Variants in PICALM observed in about 807,000 individuals in gnomAD.
PICALM encodes phosphatidylinositol binding clathrin assembly protein.
Under a neutral mutation model 80.5 loss-of-function variants are expected in PICALM, and 40 were observed. That is an observed-to-expected ratio of 0.50 (90% CI 0.39 to 0.65). The LOEUF (loss-of-function observed/expected upper bound fraction) is 0.65. PICALM is among the 30% of genes least tolerant of loss of function. The pLI, the probability that PICALM is intolerant of heterozygous loss-of-function variation, is 0.00. For missense variants in PICALM, 676 were observed against 778.9 expected (o/e 0.87, Z 1.57); for synonymous variants, 288 against 260.3 (o/e 1.11, Z -1.02).
intron 19 of PICALM, among the ~76,000 whole-genome samples, chr11:85,966,845 C>T (rs911843185): frequency 4.6e-5 from 7 of 152,116 alleles, no homozygotes; most frequent in Admixed American, 3.3e-4. Flanking sequence ...AACTATGGAA[C>T]GAATGGGGCT....
intron 1 of PICALM, among the ~76,000 whole-genome samples, chr11:86,032,728 T>A (rs187192806): frequency 1.3e-5 from 2 of 152,286 alleles, no homozygotes; most frequent in African/African-American, 4.8e-5. Flanking sequence ...AATGTATAAA[T>A]GTCTCAGCTA....
At chr11:86,024,973 C>G (rs1358166525) in intron 3 of PICALM, among the ~76,000 whole-genome samples, 1 of 152,142 alleles carries the variant, frequency 6.6e-6, no homozygotes, top group Non-Finnish European at 1.5e-5. Context: ...TTTGGCATAT[C>G]CTTTATGAGG....
At chr11:85,971,854 C>T (rs1481882392) in intron 19 of PICALM, among the ~76,000 whole-genome samples, 2 of 152,144 alleles carry the variant, frequency 1.3e-5, no homozygotes, top group African/African-American at 4.8e-5. Flanking sequence ...CCAATCCAGG[C>T]TCACTGCAAC....
intron 1 of PICALM, among the ~76,000 whole-genome samples, chr11:86,040,303 C>T (rs564944058): frequency 2.6e-5 from 4 of 152,022 alleles, no homozygotes; most frequent in South Asian, 4.2e-4. Context: ...GTATGAGTGG[C>T]GAAAAGAAAC....
intron 19 of PICALM, among the ~76,000 whole-genome samples, chr11:85,971,891 C>A (rs1180223554): frequency 6.6e-6 from 1 of 152,022 alleles, no homozygotes; most frequent in Non-Finnish European, 1.5e-5. Flanking sequence ...CAAGCAATTC[C>A]CCCACCTCAG....
chr11:85,999,288 T>C, intron 11 of PICALM, among the ~76,000 whole-genome samples: 1 of 152,244 alleles, frequency 6.6e-6, no homozygotes, highest in East Asian at 1.9e-4. Flanking sequence ...TTGGGGAACA[T>C]ATAGAATATA....
chr11:85,981,801 C>T, intron 15 of PICALM, 26 bp from the exon 16 acceptor site: 2 of 1,612,250 alleles, frequency 1.2e-6, no homozygotes, highest in Middle Eastern at 1.7e-4. Context: ...AACAAAAAAG[C>T]ATTTTATAAC....
chr11:86,057,989 G>T (rs1416619250), intron 1 of PICALM, among the ~76,000 whole-genome samples: 3 of 152,280 alleles, frequency 2.0e-5, no homozygotes, highest in African/African-American at 7.2e-5. Flanking sequence ...CTTTGGATTA[G>T]TTAAATGCTA....
At chr11:86,067,099 T>C (rs770806392) in intron 1 of PICALM, among the ~76,000 whole-genome samples, 9 of 152,222 alleles carry the variant, frequency 5.9e-5, no homozygotes, top group African/African-American at 1.7e-4. Flanking sequence ...CAAAGAATAA[T>C]AGGCTTCTGT....
At chr11:86,039,533 G>A (rs1398696064) in intron 1 of PICALM, among the ~76,000 whole-genome samples, 3 of 152,258 alleles carry the variant, frequency 2.0e-5, no homozygotes, top group African/African-American at 4.8e-5. Context: ...CTATTCAATA[G>A]AAAAACTGCC....
At chr11:85,965,786 C>T (rs1322575892) in intron 19 of PICALM, among the ~76,000 whole-genome samples, 1 of 148,346 alleles carries the variant, frequency 6.7e-6, no homozygotes, top group Non-Finnish European at 1.5e-5. Context: ...ACCCTGTCAC[C>T]TTGAATGCAT....
chr11:86,026,602 C>A (rs1446476429), intron 2 of PICALM, among the ~76,000 whole-genome samples: 2 of 151,960 alleles, frequency 1.3e-5, no homozygotes, highest in African/African-American at 4.8e-5. Flanking sequence ...TAAGTCAAAA[C>A]AATAAAAGCA....
intron 4 of PICALM, among the ~76,000 whole-genome samples, chr11:86,021,284 G>T (rs546039874): frequency 1.3e-5 from 2 of 152,078 alleles, no homozygotes; most frequent in African/African-American, 4.8e-5. Context: ...ACAGGAGGTC[G>T]ACACTGCAGT....
chr11:86,047,455 A>C (rs959240346), intron 1 of PICALM, among the ~76,000 whole-genome samples: 3 of 152,250 alleles, frequency 2.0e-5, no homozygotes, highest in African/African-American at 7.2e-5. Context: ...AAATGACTCA[A>C]ACTGCAAGCC....
At chr11:85,982,823 C>T (rs2094482810) in intron 14 of PICALM, among the ~76,000 whole-genome samples, 1 of 151,964 alleles carries the variant, frequency 6.6e-6, no homozygotes, top group African/African-American at 2.4e-5. Context: ...TAAATGAGAA[C>T]AATTCTTAAA....
chr11:86,035,523 C>G (rs2095825720), intron 1 of PICALM, among the ~76,000 whole-genome samples: 1 of 152,138 alleles, frequency 6.6e-6, no homozygotes, highest in African/African-American at 2.4e-5. Flanking sequence ...ATCACTTAGC[C>G]AAACACAGTA....
intron 13 of PICALM, among the ~76,000 whole-genome samples, chr11:85,985,353 C>T (rs916723699): frequency 6.6e-6 from 1 of 152,118 alleles, no homozygotes; most frequent in Non-Finnish European, 1.5e-5. Flanking sequence ...ACAAGCTGAT[C>T]CACACTAATG....
At chr11:86,031,422 A>C in intron 2 of PICALM, 47 bp downstream of exon 2, 2 of 1,489,050 alleles carry the variant, frequency 1.3e-6, no homozygotes, top group Non-Finnish European at 1.8e-6. Flanking sequence ...GCTAGCTAAC[A>C]ATAAGTCAAC....
intron 1 of PICALM, among the ~76,000 whole-genome samples, chr11:86,046,210 C>G (rs182893403): frequency 5.3e-5 from 8 of 152,312 alleles, no homozygotes; most frequent in Non-Finnish European, 8.8e-5. Flanking sequence ...TCTAGACTCT[C>G]TGGCTTCCAT....
Sources: gnomAD v4.1 joint callset for allele counts (sites outside exome capture counted in the v4.1 genomes callset) on GRCh38, gnomAD v4.1.1 for gene constraint, MANE v1.5 for transcripts, NCBI Gene and HGNC (gene_info 2026-07-23, HGNC 2026-07-21) for gene names.